SLC28A2: variants seen among roughly 807,000 people sequenced by gnomAD.
The protein encoded by SLC28A2 is sodium/nucleoside cotransporter 2.
A neutral mutation model predicts 72.9 loss-of-function variants in SLC28A2; 69 were observed. That is an observed-to-expected ratio of 0.95 (90% CI 0.78 to 1.16). The LOEUF (loss-of-function observed/expected upper bound fraction) is 1.16, where lower values mean the gene tolerates loss of function less well. Ranked by LOEUF, SLC28A2 falls within the 50% of genes most tolerant of loss-of-function variation. The pLI, the probability that SLC28A2 is intolerant of heterozygous loss-of-function variation, is 0.00. For synonymous variants in SLC28A2, 296 were observed against 294.1 expected (o/e 1.01, Z -0.07); for missense variants, 745 against 791.1 (o/e 0.94, Z 0.70).
At chr15:45,258,903 T>C (rs1481757829) in intron 3 of SLC28A2, among the ~76,000 whole-genome samples, 1 of 152,240 alleles carries the variant, frequency 6.6e-6, no homozygotes, top group Non-Finnish European at 1.5e-5. Flanking sequence ...TAGGTTTATG[T>C]AGCTTTAACA....
chr15:45,272,088 AG>A, intron 15 of SLC28A2: 1 of 534,606 alleles, frequency 1.9e-6, no homozygotes, highest in Non-Finnish European at 3.3e-6. Flanking sequence ...ACTTGATCTG[AG>A]GAAAGTCTAA....
At chr15:45,266,605 T>C (rs911100435) in intron 10 of SLC28A2, among the ~76,000 whole-genome samples, 4 of 152,222 alleles carry the variant, frequency 2.6e-5, no homozygotes, top group African/African-American at 4.8e-5. Context: ...GCTTGGTACA[T>C]TCGTCTGTAT....
chr15:45,267,915 G>A, intron 12 of SLC28A2, 119 bp downstream of exon 12: 1 of 1,266,454 alleles, frequency 7.9e-7, no homozygotes, highest in Non-Finnish European at 1.1e-6. Context: ...ATTCCTTCTT[G>A]CCTATCTCTG....
Position 45,267,584 on chromosome 15 carries a change from G to C in SLC28A2, c.1068+4G>C. The C allele has an allele frequency of 8.7e-6, 14 of 1,614,112 alleles. No homozygotes were observed. Among genetic ancestry groups the C allele is most frequent in the Non-Finnish European group, 1.1e-5 (13 of 1,180,022 alleles). On this transcript the variant is annotated splice_donor_region_variant and intron_variant, in intron 11 of 17. Transcript: ENST00000347644. ...GGGAGCCTTCATAGCCTTTGGGGTA[G>C]GCATAGTCTGCTTGATCACTCCTGG... is the stretch of plus-strand genomic sequence containing the variant.
chr15:45,270,336 G>A (rs540878754), intron 15 of SLC28A2, 60 bp downstream of exon 15: 15 of 1,114,664 alleles, frequency 1.3e-5, no homozygotes, highest in Non-Finnish European at 1.9e-5. Flanking sequence ...CTTCTGTAGT[G>A]GGCAGTCCTG....
In SLC28A2 at chr15:45,275,726, G is replaced by C. The variant is rs971750106; in HGVS notation, c.*213G>C. On this transcript the variant is annotated 3_prime_UTR_variant, in exon 18 of 18. Coordinates refer to ENST00000347644, the MANE Select transcript of SLC28A2 (RefSeq NM_004212.4). ...CGAGGCGGGCGGATCACAAGGTCAG[G>C]AGATCGAGACCATCCTGGCTAACAC... 3 of 441,404 alleles carry C rather than the reference G, an allele frequency of 6.8e-6. No individual in the cohort carries two copies. The highest frequency in any genetic ancestry group is 6.0e-5 in the African/African-American group (3 of 49,606). 27.3% of individuals were successfully genotyped at this position (441,404 alleles called of 1,614,324 possible).
chr15:45,264,940 G>A, intron 7 of SLC28A2, 149 bp from the exon 8 acceptor site: 3 of 744,864 alleles, frequency 4.0e-6, no homozygotes, highest in African/African-American at 1.7e-5. Flanking sequence ...AAGAGCTCAT[G>A]GGGACATAGC....
rs779424693 is a variant in SLC28A2 at position 45,265,113 on chromosome 15, G to A, written c.727G>A (p.Gly243Ser). 5.3e-5 allele frequency: 86 copies of A among 1,612,564 alleles called. No homozygotes were observed. The East Asian group carries it at 1.5e-3, about 28-fold the overall frequency. ...VQIFLNYTVA[G>S]SSFVFGDTLV... ...GATTTTCCTGAACTACACTGTGGCCGGCTCCAGTTTTGTCTTTGGGGATAC... is the reference window on the plus strand; with the variant it reads ...GATTTTCCTGAACTACACTGTGGCCAGCTCCAGTTTTGTCTTTGGGGATAC... Residue 243 changes from glycine to serine, a missense_variant, in exon 8 of 18, where the codon GGC becomes AGC. Physicochemically the swap from Gly to Ser is moderately conservative, Grantham distance 56 (BLOSUM62 0). Transcript: ENST00000347644.
intron 7 of SLC28A2, 70 bp downstream of exon 7, chr15:45,264,838 G>A: frequency 1.0e-6 from 1 of 960,620 alleles, no homozygotes; most frequent in Non-Finnish European, 1.7e-6. Context: ...AGAGGAGCAT[G>A]AGAAGATTAG....
chr15:45,267,488 G>A lies in SLC28A2; in HGVS notation c.976G>A (p.Gly326Arg). 1 of 1,614,010 alleles carries A rather than the reference G, an allele frequency of 6.2e-7. No homozygotes were observed. The highest frequency in any genetic ancestry group is 8.5e-7 in the Non-Finnish European group (1 of 1,179,894). The part of the protein sequence containing the change: ...EAPLLIRPYL[G>R]DMTLSEIHAV... The stretch of plus-strand genomic sequence containing the variant: ...ACCTCTGCTCATCCGTCCCTACCTT[G>A]GGGACATGACACTCTCTGAAATCCA... Residue 326 changes from glycine (G) to arginine (R), a missense_variant, in exon 11 of 18, where the codon GGG becomes AGG. Coordinates refer to ENST00000347644, the MANE Select transcript of SLC28A2 (RefSeq NM_004212.4).
Position 45,275,489 on chromosome 15 carries a change from C to A in SLC28A2, c.1953C>A (p.Phe651Leu). ...SAMALTNCCG[F>L]YNNTVCA Reference sequence around the variant, plus strand: ...TGGCCCTTACTAACTGCTGTGGATTCTACAACAATACCGTCTGTGCCTAAG... The same window carrying A: ...TGGCCCTTACTAACTGCTGTGGATTATACAACAATACCGTCTGTGCCTAAG... The change falls in exon 18 of 18, where the codon TTC becomes TTA. Residue 651 changes from phenylalanine (F) to leucine (L), a missense_variant. By Grantham distance (22) the Phe-to-Leu change is conservative. Coordinates refer to ENST00000347644, the MANE Select transcript of SLC28A2 (RefSeq NM_004212.4). The A allele has an allele frequency of 6.2e-7, 1 of 1,604,292 alleles. No individual in the cohort carries two copies. The highest frequency in any genetic ancestry group is 8.5e-7 in the Non-Finnish European group (1 of 1,171,100).
Position 45,270,238 on chromosome 15 carries a change from C to A in SLC28A2, c.1610C>A (p.Ala537Asp). ...ACAACATTTTCACTCTGTGGATTTGCCAATCTTAGTTCCATAGGAATCACA... is the reference window on the plus strand; with the variant it reads ...ACAACATTTTCACTCTGTGGATTTGACAATCTTAGTTCCATAGGAATCACA... ...IITTFSLCGF[A>D]NLSSIGITLG... Residue 537 changes from alanine (A) to aspartate (D), a missense_variant, in exon 15 of 18, where the codon GCC becomes GAC. Transcript: ENST00000347644. 6.2e-7 allele frequency: 1 copy of A among 1,613,736 alleles called. No individual in the cohort carries two copies. The highest frequency in any genetic ancestry group is 8.5e-7 in the Non-Finnish European group (1 of 1,179,598).
chr15:45,268,232 G>C lies in SLC28A2; in HGVS notation c.1222G>C (p.Ala408Pro). 6.2e-7 allele frequency: 1 copy of C among 1,607,720 alleles called. No homozygotes were observed. Among genetic ancestry groups the C allele is most frequent in the Non-Finnish European group, 8.5e-7 (1 of 1,174,650 alleles). Residue 408 changes from alanine to proline, a missense_variant, in exon 13 of 18, where the codon GCT (alanine) becomes CCT (proline). Ala to Pro is a conservative substitution (Grantham distance 27, BLOSUM62 -1). Coordinates refer to ENST00000347644, the MANE Select transcript of SLC28A2 (RefSeq NM_004212.4). ...PRGKERNVLE[A>P]ASNGAVDAIG... Reference sequence around the variant, plus strand: ...CAGGAAGGAGAGGAATGTCCTGGAAGCTGCCAGCAACGGAGCCGTAGATGC... The same window carrying C: ...CAGGAAGGAGAGGAATGTCCTGGAACCTGCCAGCAACGGAGCCGTAGATGC...
intron 4 of SLC28A2, 54 bp downstream of exon 4, chr15:45,262,160 C>T: frequency 7.4e-7 from 1 of 1,351,518 alleles, no homozygotes. Flanking sequence ...TAGAAATTTG[C>T]CTTGTGTCAA....
At chr15:45,272,042 TC>T (rs1900588602) in intron 15 of SLC28A2, 1 of 443,666 alleles carries the variant, frequency 2.3e-6, no homozygotes, top group Non-Finnish European at 4.0e-6. Flanking sequence ...TTGGGTATGT[TC>T]ACAGAACCAT....
At chr15:45,273,373 T>C (rs2140584920) in intron 17 of SLC28A2, among the ~76,000 whole-genome samples, 1 of 152,196 alleles carries the variant, frequency 6.6e-6, no homozygotes, top group Non-Finnish European at 1.5e-5. Flanking sequence ...ATCTAGAATA[T>C]GAAAAGAAGA....
At chr15:45,254,762 A>C (rs1055476992) in intron 3 of SLC28A2, among the ~76,000 whole-genome samples, 1 of 151,932 alleles carries the variant, frequency 6.6e-6, no homozygotes, top group Non-Finnish European at 1.5e-5. Flanking sequence ...AAAATTTTTA[A>C]TTGTTTTATT....
intron 15 of SLC28A2, among the ~76,000 whole-genome samples, chr15:45,271,128 C>G (rs1484547335): frequency 1.3e-5 from 2 of 152,184 alleles, no homozygotes; most frequent in South Asian, 2.1e-4. Flanking sequence ...GTCTTTGAAG[C>G]AGACACAGAT....
rs1900732113 is a variant in SLC28A2, at chr15:45,275,612, T to G, written c.*99T>G. The G allele has an allele frequency of 1.4e-6, 1 of 736,560 alleles. No individual in the cohort carries two copies. The highest frequency in any genetic ancestry group is 1.8e-5 in the African/African-American group (1 of 57,096). The allele number at this position is 736,560 out of a possible 1,614,324, so 45.6% of individuals were successfully genotyped here. ...GGTGCCCACAACTCACTCACCAAGATGTTTAACAGTAAGTAACAGTAAATG... is the reference window on the plus strand; with the variant it reads ...GGTGCCCACAACTCACTCACCAAGAGGTTTAACAGTAAGTAACAGTAAATG... On this transcript the variant is annotated 3_prime_UTR_variant, in exon 18 of 18. Transcript: ENST00000347644.
Sources: allele counts gnomAD v4.1 joint callset (sites outside exome capture counted in the v4.1 genomes callset), GRCh38; gene constraint gnomAD v4.1.1; transcripts MANE v1.5; gene names NCBI Gene and HGNC (gene_info 2026-07-23, HGNC 2026-07-21).